Variants in HACE1 observed in about 807,000 individuals in gnomAD.
HACE1 encodes E3 ubiquitin-protein ligase HACE1.
Under a neutral mutation model 118.4 loss-of-function variants are expected in HACE1, and 73 were observed. The observed-to-expected ratio is 0.62, with a 90% confidence interval of 0.51 to 0.75. The LOEUF (loss-of-function observed/expected upper bound fraction) is 0.75, where lower values mean the gene tolerates loss of function less well. HACE1 is among the 30% of genes least tolerant of loss of function. The probability of loss-of-function intolerance (pLI) is 0.00; values close to 1 mark genes in which losing one functional copy is unlikely to be tolerated. For synonymous variants in HACE1, 368 were observed against 374.8 expected (o/e 0.98, Z 0.21); for missense variants, 749 against 1,102.2 (o/e 0.68, Z 4.54).
At chr6:104,742,418 A>G (rs1776854011) in intron 22 of HACE1, among the ~76,000 whole-genome samples, 1 of 150,688 alleles carries the variant, frequency 6.6e-6, no homozygotes, top group African/African-American at 2.5e-5. Flanking sequence ...CTCATCTGAC[A>G]AAGGGCTAAT....
chr6:104,819,712 C>T (rs1772491358), intron 6 of HACE1, among the ~76,000 whole-genome samples: 1 of 152,054 alleles, frequency 6.6e-6, no homozygotes, highest in African/African-American at 2.4e-5. Flanking sequence ...GAAACAGAAT[C>T]TAAAACCCAC....
chr6:104,780,639 C>A (rs1202567074), intron 14 of HACE1, among the ~76,000 whole-genome samples: 1 of 152,050 alleles, frequency 6.6e-6, no homozygotes, highest in East Asian at 1.9e-4. Context: ...CCCCTATAAA[C>A]ACTTAGGCAT....
rs1019208904 is a variant in HACE1 at position 104,792,390 on chromosome 6, C to A, written c.924-736G>T. Among the ~76,000 whole-genome samples the A allele has an allele frequency of 2.0e-5, 3 of 152,140 alleles. No individual in the cohort carries two copies. In the East Asian group the frequency reaches 5.8e-4, roughly 29 times the overall value. ...ATCCCACAGTTACCTTGGTATTGGTCAACATCATGAATACCAATAATTACC... is the reference window on the plus strand; with the variant it reads ...ATCCCACAGTTACCTTGGTATTGGTAAACATCATGAATACCAATAATTACC... On this transcript the variant is annotated intron_variant, in intron 10 of 23. Coordinates refer to ENST00000262903, the MANE Select transcript of HACE1 (RefSeq NM_020771.4).
intron 7 of HACE1, among the ~76,000 whole-genome samples, chr6:104,803,688 T>A (rs1458374661): frequency 6.6e-6 from 1 of 152,130 alleles, no homozygotes; most frequent in Non-Finnish European, 1.5e-5. Flanking sequence ...AAACTCTCAA[T>A]AAACTAGGTA....
chr6:104,804,666 T>G (rs1166508019), intron 7 of HACE1, among the ~76,000 whole-genome samples: 1 of 152,168 alleles, frequency 6.6e-6, no homozygotes, highest in East Asian at 1.9e-4. Flanking sequence ...TGTAGAAAGC[T>G]GAAACTGGAT....
chr6:104,808,686 A>G (rs528566356), intron 7 of HACE1, among the ~76,000 whole-genome samples: 23 of 152,320 alleles, frequency 1.5e-4, no homozygotes, highest in Non-Finnish European at 3.1e-4. Flanking sequence ...TTAGAGCCCT[A>G]TAATTTGTCC....
intron 2 of HACE1, among the ~76,000 whole-genome samples, chr6:104,851,933 G>A (rs1357064222): frequency 6.6e-6 from 1 of 152,068 alleles, no homozygotes; most frequent in Non-Finnish European, 1.5e-5. Context: ...ACAAAAATAA[G>A]TAGCACATAA....
intron 11 of HACE1, among the ~76,000 whole-genome samples, chr6:104,790,474 T>C (rs770534550): frequency 2.0e-5 from 3 of 152,216 alleles, no homozygotes; most frequent in Non-Finnish European, 2.9e-5. Flanking sequence ...GTAAGTTGGC[T>C]GGGTGCAGTG....
chr6:104,758,795 G>A (rs536416452), intron 19 of HACE1, among the ~76,000 whole-genome samples: 2 of 152,064 alleles, frequency 1.3e-5, no homozygotes, highest in East Asian at 3.9e-4. Flanking sequence ...GCTGTATTCA[G>A]GAGACCCATC....
rs1477242956 is a variant in HACE1 at position 104,811,632 on chromosome 6, T to C, written c.535-239A>G. Among the ~76,000 whole-genome samples the C allele has an allele frequency of 3.3e-5, 5 of 152,144 alleles. No individual in the cohort carries two copies. In the East Asian group the frequency reaches 5.8e-4, roughly 18 times the overall value. On this transcript the variant is annotated intron_variant, in intron 6 of 23. Coordinates refer to ENST00000262903, the MANE Select transcript of HACE1 (RefSeq NM_020771.4). Reference sequence around the variant, plus strand: ...CAGTGTAATAGAAACTGTGTTAATCTGGGAGTCTTTAGAGCAGCACTGTAT... The same window carrying C: ...CAGTGTAATAGAAACTGTGTTAATCCGGGAGTCTTTAGAGCAGCACTGTAT...
rs375369418 is a variant in HACE1, at chr6:104,796,792, A to C, written c.715-36T>G. 240 of 1,264,468 alleles carry C rather than the reference A, an allele frequency of 1.9e-4. 1 individual carries two copies. The highest frequency in any genetic ancestry group is 2.6e-4 in the Non-Finnish European group (223 of 863,238). 78.3% of individuals were successfully genotyped at this position (1,264,468 alleles called of 1,614,324 possible). A position where few individuals can be genotyped will look rare whatever the true frequency, so the allele number is the denominator to read the frequency against. On this transcript the variant is annotated intron_variant, in intron 8 of 23. Coordinates refer to ENST00000262903, the MANE Select transcript of HACE1 (RefSeq NM_020771.4). ...GATCTAAAATTATCCAGGTTTAAAA[A>C]CAGTCCCTTTTAAAGTTCATATTCT... is the stretch of plus-strand genomic sequence containing the variant.
At chr6:104,833,472 A>C (rs150051564) in intron 5 of HACE1, among the ~76,000 whole-genome samples, 2 of 152,214 alleles carry the variant, frequency 1.3e-5, no homozygotes, top group East Asian at 3.9e-4. Flanking sequence ...CAGCCTCCTA[A>C]ATAGCTGAAA....
At chr6:104,805,706 A>G (rs1366228993) in intron 7 of HACE1, among the ~76,000 whole-genome samples, 3 of 152,092 alleles carry the variant, frequency 2.0e-5, no homozygotes, top group Admixed American at 2.0e-4. Context: ...GCTTGTCGGG[A>G]AGTCAGGGGG....
intron 14 of HACE1, among the ~76,000 whole-genome samples, chr6:104,782,690 T>G (rs905471765): frequency 6.6e-6 from 1 of 152,176 alleles, no homozygotes; most frequent in Non-Finnish European, 1.5e-5. Context: ...TGACCTAAAA[T>G]CAGTAAATGT....
intron 20 of HACE1, among the ~76,000 whole-genome samples, chr6:104,746,190 T>A (rs769724644): frequency 3.9e-5 from 6 of 152,246 alleles, no homozygotes; most frequent in Non-Finnish European, 5.9e-5. Context: ...TCTGTTTTAA[T>A]TTCAAGTAAA....
rs1329326349 is a variant in HACE1, at chr6:104,728,118, T to G, written c.*1544A>C. 6.6e-6 allele frequency: 1 copy of G among 152,102 alleles called. No homozygotes were observed. The highest frequency in any genetic ancestry group is 1.5e-5 in the Non-Finnish European group (1 of 68,008). 9.4% of individuals were successfully genotyped at this position (152,102 alleles called of 1,614,324 possible). On this transcript the variant is annotated 3_prime_UTR_variant, in exon 24 of 24. Transcript: ENST00000262903. ...CTCAGTTATTTAATATTTTATTATC[T>G]ATCTCTTTTACATAACTACTTGCAA...
rs539690427 is a variant in HACE1, at chr6:104,760,504, C to T, written c.2212-10032G>A. ...TGACAAAATTCAACAGCCTTTCATG[C>T]TAAAAACTCTCAGTAAACTAGGAAT... On this transcript the variant is annotated intron_variant, in intron 19 of 23. Coordinates refer to ENST00000262903, the MANE Select transcript of HACE1 (RefSeq NM_020771.4). Among the ~76,000 whole-genome samples the T allele has an allele frequency of 5.3e-5, 8 of 152,242 alleles. No homozygotes were observed. The South Asian group carries it at 1.7e-3, about 32-fold the overall frequency.
At chr6:104,742,616 C>T (rs1170639582) in intron 22 of HACE1, among the ~76,000 whole-genome samples, 1 of 151,138 alleles carries the variant, frequency 6.6e-6, no homozygotes, top group South Asian at 2.1e-4. Context: ...AATGAGATAC[C>T]GTCTCACACC....
chr6:104,777,747 G>C (rs770473727), intron 14 of HACE1, among the ~76,000 whole-genome samples: 1 of 151,932 alleles, frequency 6.6e-6, no homozygotes, highest in Non-Finnish European at 1.5e-5. Flanking sequence ...TATTTATTTT[G>C]GTTTATTGTT....
Sources: gnomAD v4.1 joint callset for allele counts (sites outside exome capture counted in the v4.1 genomes callset) on GRCh38, gnomAD v4.1.1 for gene constraint, MANE v1.5 for transcripts, NCBI Gene and HGNC (gene_info 2026-07-23, HGNC 2026-07-21) for gene names.